KLF12: variants seen among roughly 807,000 people sequenced by gnomAD.
KLF12 encodes the protein KLF transcription factor 12.
Under a neutral mutation model 37.8 loss-of-function variants are expected in KLF12, and 9 were observed. That is an observed-to-expected ratio of 0.24 (90% CI 0.14 to 0.42). The LOEUF (loss-of-function observed/expected upper bound fraction) is 0.42, where lower values mean the gene tolerates loss of function less well. KLF12 is among the 10% of genes least tolerant of loss of function. The pLI is 1.00. For missense variants in KLF12, 411 were observed against 516.0 expected (o/e 0.80, Z 1.97); for synonymous variants, 208 against 202.1 (o/e 1.03, Z -0.25).
At chr13:73,744,951 G>A (rs961657198) in intron 6 of KLF12, among the ~76,000 whole-genome samples, 2 of 152,146 alleles carry the variant, frequency 1.3e-5, no homozygotes, top group African/African-American at 4.8e-5. Context: ...GGCCATGGTT[G>A]CACTTTCTAG....
At chr13:73,695,692 C>A in intron 7 of KLF12, 21 bp from the exon 8 acceptor site, 1 of 1,611,130 alleles carries the variant, frequency 6.2e-7, no homozygotes, top group Non-Finnish European at 8.5e-7. Flanking sequence ...CAAAGGAACA[C>A]AAGCTTTGGT....
At chr13:74,260,626 A>AATAAAATAAAATAAAAT in the KLF12 span, among the ~76,000 whole-genome samples, 21 of 117,212 alleles carry the variant, frequency 1.8e-4, no homozygotes, top group African/African-American at 1.1e-3. Context: ...AATAAAATAA[A>AATAAAATAAAATAAAAT]ATAGTGAATT....
intron 1 of KLF12, among the ~76,000 whole-genome samples, chr13:74,067,913 T>C (rs1476844990): frequency 1.4e-4 from 21 of 152,206 alleles, no homozygotes; most frequent in Non-Finnish European, 1.5e-5. Flanking sequence ...AGATAAAACA[T>C]CCTTTTAGCA....
At chr13:74,200,144 A>G in the KLF12 span, among the ~76,000 whole-genome samples, 1 of 151,968 alleles carries the variant, frequency 6.6e-6, no homozygotes, top group African/African-American at 2.4e-5. Flanking sequence ...AGGGAGCTAG[A>G]GAGGAATGGA....
At chr13:73,859,605 T>C (rs754007084) in intron 3 of KLF12, among the ~76,000 whole-genome samples, 9 of 152,172 alleles carry the variant, frequency 5.9e-5, no homozygotes, top group Non-Finnish European at 1.3e-4. Flanking sequence ...ATATAATAAA[T>C]TTAATGGCAT....
At chr13:74,240,676 C>T in the KLF12 span, among the ~76,000 whole-genome samples, 6 of 113,920 alleles carry the variant, frequency 5.3e-5, no homozygotes, top group South Asian at 3.5e-4. Flanking sequence ...CTTCCCTTCT[C>T]GCTTCATTTC....
At chr13:74,101,065 C>A (rs941755619) in intron 1 of KLF12, among the ~76,000 whole-genome samples, 1 of 152,196 alleles carries the variant, frequency 6.6e-6, no homozygotes, top group Non-Finnish European at 1.5e-5. Flanking sequence ...CTATTACTGA[C>A]AGGCTTCATC....
intron 1 of KLF12, among the ~76,000 whole-genome samples, chr13:74,015,700 C>A (rs1892671168): frequency 6.6e-6 from 1 of 152,084 alleles, no homozygotes; most frequent in Non-Finnish European, 1.5e-5. Flanking sequence ...ACACTATTAC[C>A]CAACCTAATT....
the KLF12 span, among the ~76,000 whole-genome samples, chr13:74,209,297 C>T: frequency 1.3e-5 from 2 of 151,688 alleles, no homozygotes; most frequent in Non-Finnish European, 2.9e-5. Flanking sequence ...ACTTTGAGGG[C>T]CAAACACCCA....
chr13:73,772,046 G>A (rs1880304324), intron 5 of KLF12, among the ~76,000 whole-genome samples: 1 of 152,192 alleles, frequency 6.6e-6, no homozygotes, highest in Non-Finnish European at 1.5e-5. Context: ...ATGGGATTAA[G>A]ATGCACATAT....
intron 4 of KLF12, among the ~76,000 whole-genome samples, chr13:73,839,608 T>C (rs1034502185): frequency 6.6e-6 from 1 of 152,176 alleles, no homozygotes; most frequent in Non-Finnish European, 1.5e-5. Context: ...GGAACTCAAA[T>C]TTTACTTTTA....
At chr13:74,197,635 G>A in the KLF12 span, among the ~76,000 whole-genome samples, 18 of 152,248 alleles carry the variant, frequency 1.2e-4, 1 homozygote, top group East Asian at 2.7e-3. Flanking sequence ...GGTAAGATGA[G>A]GGTAATAGTA....
the KLF12 span, among the ~76,000 whole-genome samples, chr13:74,233,219 A>G: frequency 6.6e-6 from 1 of 152,006 alleles, no homozygotes; most frequent in Non-Finnish European, 1.5e-5. Flanking sequence ...TATACCTATA[A>G]CTTTTTTGTT....
chr13:73,875,408 A>G (rs568505007), intron 3 of KLF12, among the ~76,000 whole-genome samples: 144 of 152,272 alleles, frequency 9.5e-4, no homozygotes, highest in African/African-American at 3.3e-3. Context: ...TCAAATCTCA[A>G]AATGTATTTT....
intron 1 of KLF12, among the ~76,000 whole-genome samples, chr13:73,996,581 A>G (rs1161033709): frequency 6.6e-6 from 1 of 152,260 alleles, no homozygotes; most frequent in African/African-American, 2.4e-5. Flanking sequence ...ATAATACTCC[A>G]CTGAGGGAAT....
chr13:74,179,125 A>G, the KLF12 span, among the ~76,000 whole-genome samples: 1 of 152,200 alleles, frequency 6.6e-6, no homozygotes, highest in Admixed American at 6.5e-5. Context: ...AGCCTGGACC[A>G]TCAGACCTAC....
At position 73,716,530 on chromosome 13, in the gene KLF12, G is replaced by A. The variant is rs113945459; in HGVS notation, c.870-1005C>T. ...TTAAAAGTTGAACATTACTGATAAA[G>A]ATCAATTCCCCCCTTGTTTTCCACC... On this transcript the variant is annotated intron_variant, in intron 6 of 7. Transcript: ENST00000377669. Among the ~76,000 whole-genome samples, 461 of 152,198 alleles carry A rather than the reference G, an allele frequency of 3.0e-3. 3 individuals carry two copies. Among genetic ancestry groups the A allele is most frequent in the Non-Finnish European group, 4.4e-3 (296 of 67,986 alleles).
intron 2 of KLF12, among the ~76,000 whole-genome samples, chr13:73,954,208 G>A (rs1890754637): frequency 6.6e-6 from 1 of 151,856 alleles, no homozygotes; most frequent in Non-Finnish European, 1.5e-5. Context: ...TCGGTCTCCT[G>A]ACTTTGTGAT....
chr13:73,695,450 G>A lies in KLF12; in HGVS notation c.*40C>T. ...GCCCTGCTGAATTGGGTGCCGCTAAGAGATCCAGCTCTTACGCTCAGCTGG... is the reference window on the plus strand; with the variant it reads ...GCCCTGCTGAATTGGGTGCCGCTAAAAGATCCAGCTCTTACGCTCAGCTGG... On this transcript the variant is annotated 3_prime_UTR_variant, in exon 8 of 8. Coordinates refer to ENST00000377669, the MANE Select transcript of KLF12 (RefSeq NM_007249.5). 1 of 1,598,262 alleles carries A rather than the reference G, an allele frequency of 6.3e-7. No homozygotes were observed. The highest frequency in any genetic ancestry group is 8.6e-7 in the Non-Finnish European group (1 of 1,167,978).
Sources: allele counts gnomAD v4.1 joint callset (sites outside exome capture counted in the v4.1 genomes callset), GRCh38; gene constraint gnomAD v4.1.1; transcripts MANE v1.5; gene names NCBI Gene and HGNC (gene_info 2026-07-23, HGNC 2026-07-21).